RBM26: variants seen among roughly 807,000 people sequenced by gnomAD.
RBM26 encodes the protein RNA-binding protein 26.
In RBM26, 30 loss-of-function variants were observed where a neutral mutation model predicts 123.6. The ratio of observed to expected loss-of-function variants is 0.24; its 90% CI spans 0.18 to 0.33. The LOEUF (loss-of-function observed/expected upper bound fraction) is 0.33, where lower values mean the gene tolerates loss of function less well. RBM26 is among the 10% of genes least tolerant of loss of function. RBM26 has a pLI of 1.00. For synonymous variants in RBM26, 400 were observed against 404.4 expected, an observed-to-expected ratio of 0.99 and a Z score of 0.13; for missense variants, 947 against 1,203.6, an observed-to-expected ratio of 0.79 and a Z score of 3.15.
chr13:79,389,274 AAC>A (rs1281857266), intron 1 of RBM26, among the ~76,000 whole-genome samples: 2 of 152,216 alleles, frequency 1.3e-5, no homozygotes, highest in Non-Finnish European at 2.9e-5. Context: ...ACTAGATTTA[AAC>A]CAAGAAAGTA....
At chr13:79,342,868 T>C in intron 16 of RBM26, 37 bp from the exon 17 acceptor site, 1 of 1,279,884 alleles carries the variant, frequency 7.8e-7, no homozygotes, top group Non-Finnish European at 1.1e-6. Context: ...TAAAGCTAAT[T>C]ACTCCTATTA....
chr13:79,405,865 C>T lies in RBM26; in HGVS notation c.-91G>A. The T allele has an allele frequency of 1.3e-6, 1 of 758,358 alleles. No homozygotes were observed. Among genetic ancestry groups the T allele is most frequent in the East Asian group, 3.6e-5 (1 of 27,810 alleles). The allele number at this position is 758,358 out of a possible 1,614,324, so 47.0% of individuals were successfully genotyped here. On this transcript the variant is annotated 5_prime_UTR_variant, in exon 1 of 22. Coordinates refer to ENST00000438737, the MANE Select transcript of RBM26 (RefSeq NM_001366735.2). ...CTGCCCCCGCCCCCTCCTCCGCGCG[C>T]CGCCCGCGTGGGCCGCGGTGGGAGG...
At chr13:79,320,951 T>G (rs1340732062) in intron 21 of RBM26, among the ~76,000 whole-genome samples, 1 of 151,258 alleles carries the variant, frequency 6.6e-6, no homozygotes. Flanking sequence ...CCTTTGTACA[T>G]GCCATTTTTT....
intron 10 of RBM26, 74 bp downstream of exon 10, chr13:79,359,501 T>G (rs1566441826): frequency 2.8e-6 from 2 of 708,158 alleles, no homozygotes; most frequent in Non-Finnish European, 4.8e-6. Context: ...CCAAACCATA[T>G]TGTCATAATA....
intron 1 of RBM26, among the ~76,000 whole-genome samples, chr13:79,382,841 A>G (rs2077170462): frequency 6.6e-6 from 1 of 152,200 alleles, no homozygotes; most frequent in African/African-American, 2.4e-5. Flanking sequence ...TTATAAATGC[A>G]TAAACAAACT....
At chr13:79,397,471 C>T (rs965421517) in intron 1 of RBM26, among the ~76,000 whole-genome samples, 3 of 151,258 alleles carry the variant, frequency 2.0e-5, no homozygotes, top group East Asian at 1.9e-4. Context: ...GTCAGGAGAT[C>T]GAGACCATCC....
At chr13:79,316,365 A>G (rs1398440035), downstream of RBM26, among the ~76,000 whole-genome samples, 1 of 151,314 alleles carries the variant, frequency 6.6e-6, no homozygotes, top group Non-Finnish European at 1.5e-5. Context: ...ATAGCCAGTG[A>G]TATTTCAACA....
At chr13:79,318,805 A>T, downstream of RBM26, 2 of 983,814 alleles carry the variant, frequency 2.0e-6, no homozygotes, top group South Asian at 4.7e-5. Context: ...TGAAAGATTT[A>T]CTTTCTTTGT....
At chr13:79,383,175 A>G (rs1360242592) in intron 1 of RBM26, among the ~76,000 whole-genome samples, 1 of 152,118 alleles carries the variant, frequency 6.6e-6, no homozygotes, top group Non-Finnish European at 1.5e-5. Context: ...TTTCAAGCAT[A>G]GGCTGAACAG....
chr13:79,332,011 G>T (rs1457462577), intron 20 of RBM26, among the ~76,000 whole-genome samples: 1 of 151,626 alleles, frequency 6.6e-6, no homozygotes, highest in South Asian at 2.1e-4. Context: ...TTTTTCCTGA[G>T]GAAAACTTCT....
At chr13:79,353,946 A>G (rs2073634272) in intron 13 of RBM26, among the ~76,000 whole-genome samples, 1 of 152,226 alleles carries the variant, frequency 6.6e-6, no homozygotes, top group African/African-American at 2.4e-5. Flanking sequence ...TAAGTGATGC[A>G]AAGTTATGAG....
chr13:79,323,055 A>G (rs951748172), intron 20 of RBM26, among the ~76,000 whole-genome samples: 1 of 151,542 alleles, frequency 6.6e-6, no homozygotes, highest in Non-Finnish European at 1.5e-5. Flanking sequence ...ATGAAAGGAA[A>G]AAAAACCCCT....
chr13:79,332,501 T>C (rs2069599042), intron 20 of RBM26, among the ~76,000 whole-genome samples: 1 of 152,128 alleles, frequency 6.6e-6, no homozygotes, highest in South Asian at 2.1e-4. Flanking sequence ...TTACAAAATT[T>C]TAAGAAACTT....
At chr13:79,368,645 T>TG (rs2075580735) in intron 6 of RBM26, 85 bp downstream of exon 6, 3 of 1,320,580 alleles carry the variant, frequency 2.3e-6, no homozygotes, top group African/African-American at 2.9e-5. Flanking sequence ...GGTAAGTCTT[T>TG]GAATAACTAT....
chr13:79,354,910 GA>G (rs1475150994), intron 12 of RBM26, among the ~76,000 whole-genome samples: 3 of 152,188 alleles, frequency 2.0e-5, no homozygotes, highest in African/African-American at 7.2e-5. Context: ...AAAGAAGAGA[GA>G]ATCTCTAAGA....
chr13:79,386,445 G>T (rs1013617046), intron 1 of RBM26, among the ~76,000 whole-genome samples: 12 of 150,184 alleles, frequency 8.0e-5, no homozygotes, highest in African/African-American at 2.9e-4. Context: ...TGCCCATTAA[G>T]TGTCAAAGAC....
intron 17 of RBM26, among the ~76,000 whole-genome samples, chr13:79,341,450 A>G (rs1253936826): frequency 6.6e-6 from 1 of 151,852 alleles, no homozygotes; most frequent in Non-Finnish European, 1.5e-5. Context: ...CATTTTCCAT[A>G]CAGCAGCCAG....
rs183971905 is a variant in RBM26, at chr13:79,372,069, G to A, written c.328-139C>T. ...GCTGAGGCGGGTGGTTCACGAAGTC[G>A]GAAGTTCGACACCAGCCTGGCCAAC... On this transcript the variant is annotated intron_variant, in intron 3 of 21. Transcript: ENST00000438737. The A allele has an allele frequency of 5.9e-3, 3,523 of 600,590 alleles. 19 individuals are homozygous for A. The highest frequency in any genetic ancestry group is 0.019 in the South Asian group (883 of 47,394). 37.2% of individuals were successfully genotyped at this position (600,590 alleles called of 1,614,324 possible).
At chr13:79,365,806 A>G (rs184320779) in intron 8 of RBM26, 88 bp from the exon 9 acceptor site, 4 of 1,198,258 alleles carry the variant, frequency 3.3e-6, no homozygotes, top group East Asian at 5.1e-5. Flanking sequence ...AGTAAACAAT[A>G]TAACATATTA....
Sources: gnomAD v4.1 joint callset for allele counts (sites outside exome capture counted in the v4.1 genomes callset) on GRCh38, gnomAD v4.1.1 for gene constraint, MANE v1.5 for transcripts, NCBI Gene and HGNC (gene_info 2026-07-23, HGNC 2026-07-21) for gene names.